Variants in GABRB1 observed in about 807,000 individuals in gnomAD.
The protein encoded by GABRB1 is gamma-aminobutyric acid receptor subunit beta-1.
In GABRB1, 17 loss-of-function variants were observed where a neutral mutation model predicts 51.6. The observed-to-expected ratio is 0.33, with a 90% CI of 0.23 to 0.49. GABRB1 has a LOEUF of 0.49. GABRB1 is among the 20% of genes least tolerant of loss of function. GABRB1 has a pLI of 0.99. For synonymous variants in GABRB1, 247 were observed against 218.9 expected, an observed-to-expected ratio of 1.13 and a Z score of -1.14; for missense variants, 410 against 600.6, an observed-to-expected ratio of 0.68 and a Z score of 3.32.
At chr4:47,276,143 T>G (rs1723068679) in intron 4 of GABRB1, among the ~76,000 whole-genome samples, 1 of 152,126 alleles carries the variant, frequency 6.6e-6, no homozygotes, top group African/African-American at 2.4e-5. Context: ...TGGAAGCATA[T>G]TAAATGTATG....
intron 3 of GABRB1, among the ~76,000 whole-genome samples, chr4:47,057,072 T>C (rs180680900): frequency 7.9e-5 from 12 of 152,208 alleles, no homozygotes; most frequent in Non-Finnish European, 1.3e-4. Context: ...GCCGCTGCAC[T>C]CCAGCCTGGG....
At chr4:47,063,789 A>G (rs1382686805) in intron 3 of GABRB1, among the ~76,000 whole-genome samples, 1 of 152,200 alleles carries the variant, frequency 6.6e-6, no homozygotes, top group African/African-American at 2.4e-5. Flanking sequence ...ACGGGAACAG[A>G]AAACCAAACA....
intron 5 of GABRB1, among the ~76,000 whole-genome samples, chr4:47,370,348 A>T (rs2110017851): frequency 6.6e-6 from 1 of 152,226 alleles, no homozygotes; most frequent in East Asian, 1.9e-4. Context: ...TTAGCTGGGC[A>T]TGGTGCCAGG....
At chr4:47,220,614 C>T (rs969926065) in intron 4 of GABRB1, among the ~76,000 whole-genome samples, 3 of 151,968 alleles carry the variant, frequency 2.0e-5, no homozygotes, top group Non-Finnish European at 4.4e-5. Flanking sequence ...CGAAAACCTT[C>T]TTTCTATTTT....
chr4:47,407,409 G>A (rs888101696), intron 8 of GABRB1, among the ~76,000 whole-genome samples: 2 of 152,092 alleles, frequency 1.3e-5, no homozygotes, highest in Admixed American at 1.3e-4. Flanking sequence ...TCCATAAAAT[G>A]GAGATTATTA....
chr4:47,110,769 G>A (rs1396100870), intron 3 of GABRB1, among the ~76,000 whole-genome samples: 1 of 152,156 alleles, frequency 6.6e-6, no homozygotes, highest in South Asian at 2.1e-4. Flanking sequence ...AGTTCTGTCA[G>A]TGGAATCTAA....
intron 4 of GABRB1, among the ~76,000 whole-genome samples, chr4:47,250,697 C>T (rs1721954552): frequency 1.3e-5 from 2 of 152,020 alleles, no homozygotes; most frequent in Admixed American, 1.3e-4. Flanking sequence ...ACTTTAAAAC[C>T]TCGTCTTAGA....
chr4:47,165,157 G>A (rs904855835), intron 4 of GABRB1, among the ~76,000 whole-genome samples: 28 of 151,968 alleles, frequency 1.8e-4, no homozygotes, highest in African/African-American at 5.3e-4. Flanking sequence ...TATCACCTCC[G>A]TCTATGTCAC....
At chr4:47,305,423 T>A (rs1724429622) in intron 4 of GABRB1, among the ~76,000 whole-genome samples, 2 of 152,134 alleles carry the variant, frequency 1.3e-5, no homozygotes, top group Non-Finnish European at 2.9e-5. Flanking sequence ...ATCACACTGG[T>A]TGTCTTCTTT....
intron 4 of GABRB1, among the ~76,000 whole-genome samples, chr4:47,248,725 T>A (rs1453854489): frequency 6.6e-6 from 1 of 152,076 alleles, no homozygotes; most frequent in Admixed American, 6.6e-5. Context: ...TTTCCCTGAT[T>A]TGAGCTAGGA....
At chr4:47,358,381 G>GTA (rs1193568299) in intron 5 of GABRB1, among the ~76,000 whole-genome samples, 1 of 151,368 alleles carries the variant, frequency 6.6e-6, no homozygotes, top group Non-Finnish European at 1.5e-5. Flanking sequence ...ATGTGTGTGT[G>GTA]TATATATGTA....
intron 4 of GABRB1, among the ~76,000 whole-genome samples, chr4:47,269,935 TACACAC>T (rs10639386): frequency 3.9e-4 from 53 of 136,054 alleles, no homozygotes; most frequent in African/African-American, 7.8e-4. Flanking sequence ...CAACTCTCCC[TACACAC>T]ACACACACAC....
chr4:47,046,744 C>A (rs1168923033), intron 3 of GABRB1, among the ~76,000 whole-genome samples: 4 of 152,116 alleles, frequency 2.6e-5, no homozygotes, highest in East Asian at 3.9e-4. Context: ...AACCTAAATG[C>A]CCATCAATGA....
At chr4:47,363,725 G>A (rs908295059) in intron 5 of GABRB1, among the ~76,000 whole-genome samples, 2 of 152,086 alleles carry the variant, frequency 1.3e-5, no homozygotes, top group Non-Finnish European at 2.9e-5. Context: ...GGGAACAAAA[G>A]GGCTAATAAG....
intron 4 of GABRB1, among the ~76,000 whole-genome samples, chr4:47,300,628 T>A (rs951409348): frequency 1.3e-5 from 2 of 152,136 alleles, no homozygotes; most frequent in African/African-American, 4.8e-5. Flanking sequence ...CTTTTTAAAT[T>A]TTTTATTTTT....
intron 5 of GABRB1, among the ~76,000 whole-genome samples, chr4:47,349,192 A>G (rs1482128983): frequency 6.6e-6 from 1 of 152,170 alleles, no homozygotes; most frequent in Non-Finnish European, 1.5e-5. Context: ...TTATTTGCAT[A>G]TTTTGATGAT....
chr4:47,122,413 A>AGAT (rs1184512099), intron 3 of GABRB1, among the ~76,000 whole-genome samples: 1 of 152,190 alleles, frequency 6.6e-6, no homozygotes, highest in African/African-American at 2.4e-5. Context: ...GAACCAGAAC[A>AGAT]GATTTCTTTT....
chr4:47,001,433 T>C (rs149371685), intron 1 of GABRB1, among the ~76,000 whole-genome samples: 1,919 of 152,334 alleles, frequency 0.013, 29 homozygotes, highest in Middle Eastern at 0.02. Context: ...TGAGCCACCA[T>C]GCCCGGCCAG....
At chr4:47,129,207 G>C (rs556151190) in intron 3 of GABRB1, among the ~76,000 whole-genome samples, 1 of 152,200 alleles carries the variant, frequency 6.6e-6, no homozygotes, top group African/African-American at 2.4e-5. Context: ...CAATCTTTGA[G>C]TGTTAAAATT....
Sources: gnomAD v4.1 joint callset for allele counts (sites outside exome capture counted in the v4.1 genomes callset) on GRCh38, gnomAD v4.1.1 for gene constraint, MANE v1.5 for transcripts, NCBI Gene and HGNC (gene_info 2026-07-23, HGNC 2026-07-21) for gene names.